TDRD5: variants seen among roughly 807,000 people sequenced by gnomAD.
TDRD5 encodes tudor domain containing 5, also known as tudor domain-containing protein 5.
A neutral mutation model predicts 120.6 loss-of-function variants in TDRD5; 41 were observed. That is an observed-to-expected ratio of 0.34 (90% CI 0.26 to 0.44). TDRD5 has a LOEUF of 0.44. Among genes scored for constraint, TDRD5 ranks in the 20% least tolerant of loss-of-function variants. TDRD5 has a pLI of 1.00. For missense variants in TDRD5, 1,006 were observed against 1,221.2 expected, an observed-to-expected ratio of 0.82 and a Z score of 2.63; for synonymous variants, 430 against 433.7, an observed-to-expected ratio of 0.99 and a Z score of 0.11.
intron 17 of TDRD5, among the ~76,000 whole-genome samples, chr1:179,685,429 C>T (rs1300879673): frequency 6.6e-6 from 1 of 152,180 alleles, no homozygotes; most frequent in African/African-American, 2.4e-5. Context: ...CAGTACCACG[C>T]TGTTTTGGTT....
chr1:179,633,747 G>A (rs1371334802), intron 7 of TDRD5, among the ~76,000 whole-genome samples: 1 of 152,022 alleles, frequency 6.6e-6, no homozygotes, highest in Non-Finnish European at 1.5e-5. Context: ...AAGAATTAAG[G>A]AATCGTATTA....
intron 16 of TDRD5, 88 bp from the exon 17 acceptor site, chr1:179,669,106 G>A (rs1302064544): frequency 1.7e-6 from 2 of 1,155,276 alleles, no homozygotes; most frequent in East Asian, 2.4e-5. Flanking sequence ...GGAAATATTT[G>A]TATTTTGCTT....
Position 179,634,298 on chromosome 1 carries a change from A to G in TDRD5, c.1127-159A>G, listed in dbSNP as rs151052121. On this transcript the variant is annotated intron_variant, in intron 7 of 17. Coordinates refer to ENST00000444136, the MANE Select transcript of TDRD5 (RefSeq NM_001199085.3). ...ATTTTGCCACACTGAAAGGTCTGCA[A>G]GGACAGGTTTGTATCTCTCATTTAT... 4.7e-4 allele frequency among the ~76,000 whole-genome samples: 72 copies of G among 152,306 alleles called. No individual in the cohort carries two copies. The East Asian group carries it at 0.013, about 28-fold the overall frequency.
intron 2 of TDRD5, 78 bp downstream of exon 2, chr1:179,592,925 A>G: frequency 7.2e-7 from 1 of 1,387,412 alleles, no homozygotes; most frequent in African/African-American, 1.4e-5. Flanking sequence ...CTAGTTCTGC[A>G]GTTATTATGC....
chr1:179,609,251 C>T (rs1163258462), intron 4 of TDRD5, among the ~76,000 whole-genome samples: 3 of 152,102 alleles, frequency 2.0e-5, no homozygotes, highest in Non-Finnish European at 4.4e-5. Flanking sequence ...TTTGCATGTA[C>T]ATAATGAGAT....
At chr1:179,609,651 AATCTAGGGCT>A (rs1174193035) in intron 4 of TDRD5, among the ~76,000 whole-genome samples, 1 of 152,158 alleles carries the variant, frequency 6.6e-6, no homozygotes, top group East Asian at 1.9e-4. Flanking sequence ...AACAGCCTTC[AATCTAGGGCT>A]AATTTAGCCC....
chr1:179,596,197 T>G (rs1460613481), intron 4 of TDRD5, among the ~76,000 whole-genome samples: 1 of 152,192 alleles, frequency 6.6e-6, no homozygotes, highest in African/African-American at 2.4e-5. Flanking sequence ...GCTGAAGGAC[T>G]TTGAATAAAA....
intron 11 of TDRD5, among the ~76,000 whole-genome samples, chr1:179,640,649 T>C (rs1487778990): frequency 6.6e-6 from 1 of 152,162 alleles, no homozygotes; most frequent in African/African-American, 2.4e-5. Flanking sequence ...CAAGAATGAA[T>C]GGTAGAGGTG....
Position 179,605,616 on chromosome 1 carries a change from C to G in TDRD5, c.831+9798C>G, listed in dbSNP as rs567387696. Among the ~76,000 whole-genome samples the G allele has an allele frequency of 3.9e-5, 6 of 152,232 alleles. 1 individual carries two copies. The highest frequency in any genetic ancestry group is 1.4e-4 in the African/African-American group (6 of 41,536). ...CCCTAAAAGTCCTCTGTGCTTGCGC[C>G]TGTTCATCTGTCTCGTCTCTTAATC... On this transcript the variant is annotated intron_variant, in intron 4 of 17. Transcript: ENST00000444136.
At chr1:179,690,357 A>G (rs1681072262) in intron 17 of TDRD5, among the ~76,000 whole-genome samples, 1 of 152,242 alleles carries the variant, frequency 6.6e-6, no homozygotes, top group African/African-American at 2.4e-5. Flanking sequence ...GGAAGGAAAT[A>G]GAAGCACTTA....
intron 17 of TDRD5, among the ~76,000 whole-genome samples, chr1:179,678,321 CCA>C (rs1680245511): frequency 6.6e-6 from 1 of 152,156 alleles, no homozygotes; most frequent in Admixed American, 6.5e-5. Context: ...AGAATTTGCC[CCA>C]GACCATGAGC....
chr1:179,598,332 A>G (rs551684151), intron 4 of TDRD5, among the ~76,000 whole-genome samples: 3 of 152,306 alleles, frequency 2.0e-5, no homozygotes, highest in Admixed American at 6.5e-5. Context: ...AGTGCTTTGG[A>G]TATTCTAGGT....
chr1:179,682,146 ATTT>A (rs1030833773), intron 17 of TDRD5, among the ~76,000 whole-genome samples: 1 of 148,916 alleles, frequency 6.7e-6, no homozygotes, highest in Admixed American at 6.7e-5. Flanking sequence ...GTTTATATTG[ATTT>A]TTTTTCTCCT....
intron 17 of TDRD5, among the ~76,000 whole-genome samples, chr1:179,687,001 A>T (rs1460859824): frequency 1.3e-5 from 2 of 151,996 alleles, no homozygotes; most frequent in South Asian, 4.1e-4. Flanking sequence ...CAGCTCCTGG[A>T]TTCATTGATT....
In TDRD5 at chr1:179,652,132, C is replaced by A. The variant is rs1162755111; in HGVS notation, c.2095C>A (p.Gln699Lys). 5.0e-6 allele frequency: 8 copies of A among 1,613,874 alleles called. No homozygotes were observed. Among genetic ancestry groups the A allele is most frequent in the Non-Finnish European group, 5.9e-6 (7 of 1,180,006 alleles). ...VLTELGYPSQ[Q>K]HYFNEDRKIS... Reference sequence around the variant, plus strand: ...GACAGAACTGGGTTATCCTTCCCAGCAGCACTATTTTAATGAAGACCGAAA... The same window carrying A: ...GACAGAACTGGGTTATCCTTCCCAGAAGCACTATTTTAATGAAGACCGAAA... The change falls in exon 13 of 18, where the codon CAG becomes AAG. Residue 699 changes from glutamine to lysine, a missense_variant. Transcript: ENST00000444136.
intron 7 of TDRD5, among the ~76,000 whole-genome samples, chr1:179,632,635 G>C (rs184542250): frequency 8.6e-5 from 13 of 152,016 alleles, no homozygotes; most frequent in Non-Finnish European, 1.6e-4. Flanking sequence ...AGCTGCACAT[G>C]CTTGTTTAAA....
chr1:179,607,900 C>T (rs1676065254), intron 4 of TDRD5, among the ~76,000 whole-genome samples: 1 of 151,950 alleles, frequency 6.6e-6, no homozygotes, highest in Admixed American at 6.6e-5. Flanking sequence ...CCAATTCTTT[C>T]TGTTTAAATT....
At chr1:179,617,630 T>A (rs555240062) in intron 4 of TDRD5, among the ~76,000 whole-genome samples, 23 of 152,286 alleles carry the variant, frequency 1.5e-4, no homozygotes, top group African/African-American at 5.1e-4. Context: ...TTAACTTTTT[T>A]TTTTTACATT....
intron 4 of TDRD5, among the ~76,000 whole-genome samples, chr1:179,604,458 G>C (rs1675870448): frequency 6.6e-6 from 1 of 151,782 alleles, no homozygotes; most frequent in Non-Finnish European, 1.5e-5. Context: ...AGTTCCTTGA[G>C]GTATGACCTT....
Sources: allele counts gnomAD v4.1 joint callset (sites outside exome capture counted in the v4.1 genomes callset), GRCh38; gene constraint gnomAD v4.1.1; transcripts MANE v1.5; gene names NCBI Gene and HGNC (gene_info 2026-07-23, HGNC 2026-07-21).